CDKN2B-AS1: variants seen among roughly 807,000 people sequenced by gnomAD.
The protein encoded by CDKN2B-AS1 is CDKN2B antisense RNA 1 (non-protein coding).
chr9:22,071,285 C>CTTTTTTTTTTTTT lies in CDKN2B-AS1; in HGVS notation n.438+14917_438+14929dup, dbSNP rs71336509. 2.2e-4 allele frequency among the ~76,000 whole-genome samples: 15 copies of CTTTTTTTTTTTTT among 67,576 alleles called. 2 individuals carry two copies. Among genetic ancestry groups the CTTTTTTTTTTTTT allele is most frequent in the African/African-American group, 9.9e-4 (14 of 14,204 alleles). The allele number at this position is 67,576 out of a possible 152,430, so 44.3% of individuals were successfully genotyped here. On this transcript the variant is annotated intron_variant and non_coding_transcript_variant, in intron 4 of 4. Coordinates refer to ENST00000650946, the Ensembl canonical transcript of CDKN2B-AS1. ...AGAGGCCAGGCTTAGAAATATCTAG[C>CTTTTTTTTTTTTT]TTTTTTTTTTTTTTTTTTTTTTTTT... is the stretch of plus-strand genomic sequence containing the variant.
At chr9:22,008,169 G>A (rs757921635) in intron 1 of CDKN2B-AS1, among the ~76,000 whole-genome samples, 1 of 152,156 alleles carries the variant, frequency 6.6e-6, no homozygotes, top group South Asian at 2.1e-4. Flanking sequence ...CCTAACAGTT[G>A]CTGCAGGAAT....
At chr9:22,012,581 T>C (rs1020432314) in intron 1 of CDKN2B-AS1, 1 of 489,636 alleles carries the variant, frequency 2.0e-6, no homozygotes, top group Admixed American at 2.7e-5. Context: ...CCAGGCCCCA[T>C]GGCCCTGGAG....
chr9:21,998,939 T>C (rs1025705216), intron 1 of CDKN2B-AS1, among the ~76,000 whole-genome samples: 1 of 152,136 alleles, frequency 6.6e-6, no homozygotes, highest in African/African-American at 2.4e-5. Context: ...CTAGACTATA[T>C]AAATAAATAC....
chr9:22,014,467 G>A (rs1481990506), intron 1 of CDKN2B-AS1, among the ~76,000 whole-genome samples: 1 of 151,956 alleles, frequency 6.6e-6, no homozygotes, highest in Non-Finnish European at 1.5e-5. Flanking sequence ...GCCTGGCCTG[G>A]AATATTTCTA....
At chr9:22,119,224 T>G (rs947612567) in intron 4 of CDKN2B-AS1, 7 of 152,134 alleles carry the variant, frequency 4.6e-5, no homozygotes, top group African/African-American at 1.4e-4. Context: ...TTCATTAAGA[T>G]GACATGAAGA....
chr9:22,016,487 C>T (rs555419617), intron 1 of CDKN2B-AS1, among the ~76,000 whole-genome samples: 1 of 152,252 alleles, frequency 6.6e-6, no homozygotes, highest in African/African-American at 2.4e-5. Flanking sequence ...CCCGCATTGC[C>T]AAGTCAATCC....
chr9:22,045,451 T>C (rs1341660937), intron 1 of CDKN2B-AS1, among the ~76,000 whole-genome samples: 1 of 152,102 alleles, frequency 6.6e-6, no homozygotes, highest in African/African-American at 2.4e-5. Context: ...ATAACCCTTA[T>C]AGTTTGCTTT....
In CDKN2B-AS1 at chr9:21,996,709, G is replaced by A. The variant is rs889373851; in HGVS notation, n.29+1548G>A. Among the ~76,000 whole-genome samples the A allele has an allele frequency of 1.3e-5, 2 of 152,154 alleles. No individual in the cohort carries two copies. The highest frequency in any genetic ancestry group is 2.4e-5 in the African/African-American group (1 of 41,420). ...CTTCAGCCGGCCTCCGCCTCTGTAG[G>A]GGGGCATTAGGTTTTCTGTCCCACA... is the stretch of plus-strand genomic sequence containing the variant. On this transcript the variant is annotated intron_variant and non_coding_transcript_variant, in intron 1 of 4. Coordinates refer to ENST00000650946, the Ensembl canonical transcript of CDKN2B-AS1. The surrounding 1 kb of genome is among the most constrained non-coding windows in gnomAD (Gnocchi z 5.4).
chr9:21,997,151 A>G lies in CDKN2B-AS1; in HGVS notation n.29+1990A>G, dbSNP rs1472181081. Among the ~76,000 whole-genome samples, 1 of 152,202 alleles carries G rather than the reference A, an allele frequency of 6.6e-6. No homozygotes were observed. The highest frequency in any genetic ancestry group is 1.5e-5 in the Non-Finnish European group (1 of 68,034). On this transcript the variant is annotated intron_variant and non_coding_transcript_variant, in intron 1 of 4. Transcript: ENST00000650946. This position sits in a 1 kb window ranked among gnomAD's most constrained non-coding sequence, Gnocchi z 4.8. ...CTATTATACATCTAGGCTGTATGGT[A>G]TGGGCTATTGCTCCTAGGCTGCAAA... is the stretch of plus-strand genomic sequence containing the variant.
At chr9:22,004,793 T>C (rs1008481607) in intron 1 of CDKN2B-AS1, 1 of 233,086 alleles carries the variant, frequency 4.3e-6, no homozygotes, top group Non-Finnish European at 8.5e-6. Flanking sequence ...TAAGTGCATC[T>C]ATCTTCTAAA....
intron 4 of CDKN2B-AS1, chr9:22,117,629 T>G (rs1379133883): frequency 2.6e-5 from 4 of 152,284 alleles, no homozygotes; most frequent in Admixed American, 2.0e-4. Context: ...TGCTATCCCC[T>G]GCTGAGGTCC....
At chr9:22,038,553 TGGG>T (rs1469909662) in intron 1 of CDKN2B-AS1, among the ~76,000 whole-genome samples, 3 of 151,988 alleles carry the variant, frequency 2.0e-5, no homozygotes, top group Non-Finnish European at 4.4e-5. Context: ...TATCCATACT[TGGG>T]ATGGATATTA....
chr9:22,093,513 G>T (rs1363060598), intron 4 of CDKN2B-AS1, among the ~76,000 whole-genome samples: 1 of 125,982 alleles, frequency 7.9e-6, no homozygotes, highest in Non-Finnish European at 1.6e-5. Flanking sequence ...CCTGTATTGG[G>T]TGCATACAGA....
intron 4 of CDKN2B-AS1, chr9:22,118,942 G>A (rs1159045966): frequency 6.6e-6 from 1 of 152,146 alleles, no homozygotes; most frequent in Non-Finnish European, 1.5e-5. Flanking sequence ...CTTATTTAGG[G>A]GTGCATACCT....
intron 1 of CDKN2B-AS1, chr9:22,008,596 G>C: frequency 6.1e-6 from 9 of 1,473,816 alleles, no homozygotes; most frequent in Non-Finnish European, 7.3e-6. Flanking sequence ...ACTAAAAAAA[G>C]CTTAAACAGT....
At chr9:22,110,231 C>T (rs568572123) in intron 4 of CDKN2B-AS1, among the ~76,000 whole-genome samples, 7 of 152,244 alleles carry the variant, frequency 4.6e-5, no homozygotes, top group African/African-American at 1.7e-4. Flanking sequence ...TCTCTGATAT[C>T]AGCAACTAAA....
intron 4 of CDKN2B-AS1, among the ~76,000 whole-genome samples, chr9:22,123,008 T>C (rs767833630): frequency 1.6e-4 from 25 of 152,136 alleles, no homozygotes; most frequent in Admixed American, 9.2e-4. Flanking sequence ...TTCCATTTGT[T>C]TATGTCCTTT....
chr9:22,072,721 G>T (rs955008382), intron 4 of CDKN2B-AS1, among the ~76,000 whole-genome samples: 2 of 152,172 alleles, frequency 1.3e-5, no homozygotes, highest in East Asian at 3.8e-4. Flanking sequence ...AGGAGCACAA[G>T]GCAGCCTAAC....
At chr9:22,071,341 C>G (rs1824285899) in intron 4 of CDKN2B-AS1, among the ~76,000 whole-genome samples, 1 of 125,610 alleles carries the variant, frequency 8.0e-6, no homozygotes, top group South Asian at 2.6e-4. Context: ...GCTCTGTTGA[C>G]CAGGCTGGAG....
Sources: gnomAD v4.1 joint callset for allele counts (sites outside exome capture counted in the v4.1 genomes callset) on GRCh38, gnomAD v4.1.1 for gene constraint, Gnocchi (gnomAD v3.1) non-coding constraint, MANE v1.5 for transcripts, NCBI Gene and HGNC (gene_info 2026-07-23, HGNC 2026-07-21) for gene names.